Variants in PTPRD observed in about 807,000 individuals in gnomAD.
PTPRD encodes protein tyrosine phosphatase receptor type D, also known as receptor-type tyrosine-protein phosphatase delta.
A neutral mutation model predicts 214.5 loss-of-function variants in PTPRD; 34 were observed. The ratio of observed to expected loss-of-function variants is 0.16; its 90% CI spans 0.12 to 0.21. The LOEUF (loss-of-function observed/expected upper bound fraction) is 0.21. Ranked by LOEUF, PTPRD falls within the 10% of genes least tolerant of loss-of-function variation. The pLI, the probability that PTPRD is intolerant of heterozygous loss-of-function variation, is 1.00. For synonymous variants in PTPRD, 1,128 were observed against 845.7 expected, an observed-to-expected ratio of 1.33 and a Z score of -5.79; for missense variants, 2,545 against 2,398.7, an observed-to-expected ratio of 1.06 and a Z score of -1.27.
chr9:8,633,307 G>C lies in PTPRD; in HGVS notation c.352+10C>G, dbSNP rs780013156. On this transcript the variant is annotated intron_variant, in intron 14 of 45. Coordinates refer to ENST00000381196, the MANE Select transcript of PTPRD (RefSeq NM_002839.4). Reference sequence around the variant, plus strand: ...ATGACACAAACGACAACCTTCACTTGAGCACTTACCCCGCAAAACTGTGAG... The same window carrying C: ...ATGACACAAACGACAACCTTCACTTCAGCACTTACCCCGCAAAACTGTGAG... The C allele has an allele frequency of 1.2e-6, 2 of 1,609,180 alleles. No homozygotes were observed. The highest frequency in any genetic ancestry group is 2.2e-5 in the South Asian group (2 of 90,568).
intron 7 of PTPRD, among the ~76,000 whole-genome samples, chr9:9,596,586 T>C (rs906109322): frequency 3.3e-5 from 5 of 151,982 alleles, no homozygotes; most frequent in African/African-American, 1.2e-4. Flanking sequence ...CTACAAGAAA[T>C]GATTTATTGC....
At chr9:9,526,163 G>C (rs2074074338) in intron 8 of PTPRD, among the ~76,000 whole-genome samples, 1 of 152,164 alleles carries the variant, frequency 6.6e-6, no homozygotes, top group Non-Finnish European at 1.5e-5. Flanking sequence ...GTTATGTTGA[G>C]TGTGTCATAA....
intron 9 of PTPRD, among the ~76,000 whole-genome samples, chr9:9,329,611 A>G (rs758168552): frequency 2.0e-5 from 3 of 152,198 alleles, no homozygotes; most frequent in African/African-American, 4.8e-5. Flanking sequence ...AAAACCTTCT[A>G]TCTTCTGTTA....
chr9:10,125,821 A>C (rs1201573542), intron 3 of PTPRD, among the ~76,000 whole-genome samples: 1 of 152,088 alleles, frequency 6.6e-6, no homozygotes, highest in Middle Eastern at 3.2e-3. Flanking sequence ...TAAGTTAGAA[A>C]CAGGAAAATC....
intron 5 of PTPRD, among the ~76,000 whole-genome samples, chr9:9,775,672 G>C (rs921584470): frequency 6.6e-6 from 1 of 152,074 alleles, no homozygotes; most frequent in South Asian, 2.1e-4. Flanking sequence ...GGCTGGTTGC[G>C]GTGGCTCACG....
intron 3 of PTPRD, among the ~76,000 whole-genome samples, chr9:10,235,752 T>C (rs2099626837): frequency 1.3e-5 from 2 of 152,034 alleles, no homozygotes; most frequent in Admixed American, 1.3e-4. Context: ...TCCCAGCAAG[T>C]GGACACATGC....
At chr9:8,948,045 G>A (rs1039111602) in intron 11 of PTPRD, among the ~76,000 whole-genome samples, 4 of 145,588 alleles carry the variant, frequency 2.7e-5, no homozygotes, top group Admixed American at 1.4e-4. Context: ...TTTTGAGACG[G>A]AGTCTCACTC....
At chr9:10,047,623 T>C (rs1254264810) in intron 3 of PTPRD, among the ~76,000 whole-genome samples, 1 of 152,078 alleles carries the variant, frequency 6.6e-6, no homozygotes, top group African/African-American at 2.4e-5. Flanking sequence ...CTGCCAAAAT[T>C]TGTGTTGACT....
chr9:8,443,898 A>G (rs562352466), intron 34 of PTPRD, among the ~76,000 whole-genome samples: 1 of 152,110 alleles, frequency 6.6e-6, no homozygotes, highest in Non-Finnish European at 1.5e-5. Flanking sequence ...ACATATTAGT[A>G]ATTTGTTTGG....
intron 7 of PTPRD, among the ~76,000 whole-genome samples, chr9:9,718,946 G>A (rs1045833904): frequency 2.0e-5 from 3 of 152,184 alleles, no homozygotes; most frequent in Admixed American, 2.0e-4. Context: ...GTGGGAAGCT[G>A]TGGGTCCCTG....
chr9:9,275,199 T>TATGTTATATATATATA (rs1491465404), intron 9 of PTPRD, among the ~76,000 whole-genome samples: 1 of 10,394 alleles, frequency 9.6e-5, no homozygotes, highest in African/African-American at 2.4e-4. Flanking sequence ...TATATATATA[T>TATGTTATATATATATA]TATATATATA....
chr9:8,750,966 C>G (rs1393572936), intron 11 of PTPRD, among the ~76,000 whole-genome samples: 1 of 152,176 alleles, frequency 6.6e-6, no homozygotes, highest in Non-Finnish European at 1.5e-5. Flanking sequence ...TCCCAAGTCT[C>G]TGTAGAGACT....
At chr9:8,807,359 G>A (rs2096708011) in intron 11 of PTPRD, among the ~76,000 whole-genome samples, 1 of 152,114 alleles carries the variant, frequency 6.6e-6, no homozygotes, top group East Asian at 1.9e-4. Context: ...AACAAAGTTA[G>A]AAGTAAGGCT....
chr9:8,390,438 G>C (rs867070671), intron 36 of PTPRD, among the ~76,000 whole-genome samples: 4 of 151,992 alleles, frequency 2.6e-5, no homozygotes, highest in African/African-American at 9.7e-5. Context: ...AAAACACCCA[G>C]CCGCCATCCC....
At chr9:10,459,574 C>T (rs947029477) in intron 2 of PTPRD, among the ~76,000 whole-genome samples, 3 of 152,124 alleles carry the variant, frequency 2.0e-5, no homozygotes, top group Non-Finnish European at 4.4e-5. Flanking sequence ...TGTTTCCTGA[C>T]TTTTTAATGA....
intron 10 of PTPRD, among the ~76,000 whole-genome samples, chr9:9,157,449 G>A (rs573318654): frequency 6.6e-6 from 1 of 152,146 alleles, no homozygotes; most frequent in East Asian, 1.9e-4. Flanking sequence ...CAACTGATAA[G>A]ACAGAAATTC....
chr9:8,641,651 T>G (rs574101735), intron 12 of PTPRD, among the ~76,000 whole-genome samples: 7 of 133,338 alleles, frequency 5.2e-5, no homozygotes, highest in Non-Finnish European at 8.9e-5. Flanking sequence ...CCAGGCTCGC[T>G]TGCCATTTTC....
intron 11 of PTPRD, among the ~76,000 whole-genome samples, chr9:9,008,365 C>A (rs891585762): frequency 2.6e-5 from 4 of 151,728 alleles, no homozygotes; most frequent in African/African-American, 9.7e-5. Flanking sequence ...GTAGCTGGGA[C>A]TACAGGCTCC....
rs190256101 is a variant in PTPRD, at chr9:9,034,522, T to A, written c.-142-15787A>T. Among the ~76,000 whole-genome samples, 25 of 152,242 alleles carry A rather than the reference T, an allele frequency of 1.6e-4. No individual in the cohort carries two copies. In the East Asian group the frequency reaches 3.7e-3, roughly 22 times the overall value. On this transcript the variant is annotated intron_variant, in intron 10 of 45. Transcript: ENST00000381196. ...AAGACGGTTAAGTGCATTGTAAACA[T>A]GGGGAATAATTCTTATTTGAGGTAG...
Sources: gnomAD v4.1 joint callset for allele counts (sites outside exome capture counted in the v4.1 genomes callset) on GRCh38, gnomAD v4.1.1 for gene constraint, MANE v1.5 for transcripts, NCBI Gene and HGNC (gene_info 2026-07-23, HGNC 2026-07-21) for gene names.